Variants in JPT1 observed in about 807,000 individuals in gnomAD.
JPT1 encodes androgen-regulated protein 2.
A neutral mutation model predicts 17.0 loss-of-function variants in JPT1; 5 were observed. The ratio of observed to expected loss-of-function variants is 0.29; its 90% confidence interval spans 0.15 to 0.62. JPT1 has a LOEUF of 0.62. JPT1 is among the 20% of genes least tolerant of loss of function. The pLI, the probability that JPT1 is intolerant of heterozygous loss-of-function variation, is 0.85. For missense variants in JPT1, 158 were observed against 188.1 expected (o/e 0.84, Z 0.94); for synonymous variants, 71 against 73.6 (o/e 0.96, Z 0.18).
chr17:75,146,718 T>G, intron 3 of JPT1, 34 bp from the exon 4 acceptor site: 2 of 1,385,828 alleles, frequency 1.4e-6, no homozygotes, highest in Non-Finnish European at 2.0e-6. Flanking sequence ...ATTTACTTCC[T>G]ATTTTAATTT....
intron 1 of JPT1, among the ~76,000 whole-genome samples, chr17:75,151,337 AAATAAT>A (rs1598209798): frequency 6.6e-6 from 1 of 151,322 alleles, no homozygotes; most frequent in African/African-American, 2.4e-5. Context: ...CTCCGTCTCA[AAATAAT>A]AATGATAATA....
intron 4 of JPT1, 24 bp downstream of exon 4, chr17:75,146,642 A>C (rs1368068946): frequency 6.5e-7 from 1 of 1,529,788 alleles, no homozygotes; most frequent in Admixed American, 2.0e-5. Flanking sequence ...CAGAGCCAGA[A>C]ATTTGGTCTT....
Position 75,148,956 on chromosome 17 carries a change from C to T in JPT1, c.57-285G>A, listed in dbSNP as rs953754533. ...TCATAAATAACAGCCTGGTTGGTGT[C>T]CCCTTTTCAGAAATGGCAAAAGATC... On this transcript the variant is annotated intron_variant, in intron 1 of 4. Transcript: ENST00000409753. 2.5e-6 allele frequency: 3 copies of T among 1,202,566 alleles called. No homozygotes were observed. The African/African-American group carries it at 4.6e-5, about 19-fold the overall frequency. 74.5% of individuals were successfully genotyped at this position (1,202,566 alleles called of 1,614,324 possible).
At chr17:75,151,143 C>G (rs1245508837) in intron 1 of JPT1, among the ~76,000 whole-genome samples, 1 of 151,782 alleles carries the variant, frequency 6.6e-6, no homozygotes. Flanking sequence ...TGAGCCACCG[C>G]GCCCGGCCAA....
chr17:75,138,687 C>T (rs1048942471), intron 4 of JPT1, among the ~76,000 whole-genome samples: 4 of 152,282 alleles, frequency 2.6e-5, no homozygotes, highest in South Asian at 2.1e-4. Flanking sequence ...AGATTACAGG[C>T]GTGAGCCACC....
intron 1 of JPT1, among the ~76,000 whole-genome samples, chr17:75,151,169 G>T (rs2074545980): frequency 6.6e-6 from 1 of 151,864 alleles, no homozygotes. Context: ...ATTTTTCTAA[G>T]AATATTTAGC....
At chr17:75,142,611 GAGA>G in intron 4 of JPT1, 1 of 227,868 alleles carries the variant, frequency 4.4e-6, no homozygotes, top group Non-Finnish European at 8.1e-6. Context: ...GGGGAAGGGG[GAGA>G]GAGGAGGGGA....
At position 75,135,974 on chromosome 17, in the gene JPT1, A is replaced by T; in HGVS notation, c.*128T>A. 1.3e-6 allele frequency: 2 copies of T among 1,567,222 alleles called. No individual in the cohort carries two copies. The highest frequency in any genetic ancestry group is 1.7e-6 in the Non-Finnish European group (2 of 1,158,128). On this transcript the variant is annotated 3_prime_UTR_variant, in exon 5 of 5. Transcript: ENST00000409753. Reference sequence around the variant, plus strand: ...CCTGTTCTTCAAAAGAAAAAAAAAAAAGACAGCAGTACATAAAGTGCTTCT... The same window carrying T: ...CCTGTTCTTCAAAAGAAAAAAAAAATAGACAGCAGTACATAAAGTGCTTCT...
Position 75,135,370 on chromosome 17 carries a change from A to G in JPT1, c.*732T>C, listed in dbSNP as rs1256900999. ...AGCATCATGCACACAGCATCAGGTT[A>G]TTTAAAACAACACGCCTGTGGGACC... On this transcript the variant is annotated 3_prime_UTR_variant, in exon 5 of 5. Transcript: ENST00000409753. 3 of 152,570 alleles carry G rather than the reference A, an allele frequency of 2.0e-5. No individual in the cohort carries two copies. The highest frequency in any genetic ancestry group is 4.4e-5 in the Non-Finnish European group (3 of 68,082). The allele number at this position is 152,570 out of a possible 1,614,324, so 9.5% of individuals were successfully genotyped here.
chr17:75,137,685 CTTTTTTTTTTTTT>C (rs60118585), intron 4 of JPT1, among the ~76,000 whole-genome samples: 5 of 112,846 alleles, frequency 4.4e-5, no homozygotes, highest in South Asian at 2.9e-4. Context: ...CCTAGTTTTC[CTTTTTTTTTTTTT>C]TTTTTTTTTT....
At position 75,148,789 on chromosome 17, in the gene JPT1, CAGAT is replaced by C. The variant is rs528437857; in HGVS notation, c.57-122_57-119del. On this transcript the variant is annotated intron_variant, in intron 1 of 4. Coordinates refer to ENST00000409753, the MANE Select transcript of JPT1 (RefSeq NM_016185.4). ...CCATTCATCTCCCTCACCCCTACAA[CAGAT>C]AGCTGCTAACAGGAAAAAAGAATCA... The C allele has an allele frequency of 7.8e-4, 917 of 1,170,964 alleles. 2 individuals carry two copies. Among genetic ancestry groups the C allele is most frequent in the Non-Finnish European group, 9.6e-4 (803 of 835,358 alleles). 72.5% of individuals were successfully genotyped at this position (1,170,964 alleles called of 1,614,324 possible).
chr17:75,151,819 A>T (rs551591852), intron 1 of JPT1, among the ~76,000 whole-genome samples: 2 of 151,994 alleles, frequency 1.3e-5, no homozygotes, highest in Admixed American at 1.3e-4. Flanking sequence ...AAAATATAAA[A>T]TTAGCCAGGC....
intron 4 of JPT1, among the ~76,000 whole-genome samples, chr17:75,141,638 T>G: frequency 1.4e-5 from 2 of 147,842 alleles, no homozygotes; most frequent in African/African-American, 2.5e-5. Flanking sequence ...GGCGACAGAG[T>G]GAGACTCTCA....
chr17:75,137,056 T>G (rs2074212319), intron 4 of JPT1, among the ~76,000 whole-genome samples: 1 of 152,218 alleles, frequency 6.6e-6, no homozygotes. Context: ...TTCGCCTTGC[T>G]TATTAACTGT....
chr17:75,137,542 T>TA (rs1396415627), intron 4 of JPT1, among the ~76,000 whole-genome samples: 4 of 151,598 alleles, frequency 2.6e-5, no homozygotes, highest in Non-Finnish European at 5.9e-5. Flanking sequence ...TTTTTTTTTT[T>TA]TTATTTTTAA....
intron 4 of JPT1, among the ~76,000 whole-genome samples, chr17:75,142,116 A>C (rs1276916265): frequency 6.6e-6 from 1 of 152,096 alleles, no homozygotes; most frequent in Non-Finnish European, 1.5e-5. Context: ...CAGAATTATT[A>C]ATTATGTGGT....
chr17:75,137,421 A>G (rs1252210637), intron 4 of JPT1, among the ~76,000 whole-genome samples: 1 of 147,646 alleles, frequency 6.8e-6, no homozygotes, highest in African/African-American at 2.7e-5. Context: ...CAGTACCTCA[A>G]TCACAGCCCA....
chr17:75,139,503 C>T (rs779705351), intron 4 of JPT1, among the ~76,000 whole-genome samples: 1 of 152,006 alleles, frequency 6.6e-6, no homozygotes. Context: ...GGAGACTAAA[C>T]AAGCAGCAGT....
chr17:75,140,277 TAAAAA>T (rs551588100), intron 4 of JPT1, among the ~76,000 whole-genome samples: 3 of 146,336 alleles, frequency 2.1e-5, no homozygotes, highest in Non-Finnish European at 4.5e-5. Context: ...GAAGATAATT[TAAAAA>T]AAAAAAGGGC....
Sources: allele counts gnomAD v4.1 joint callset (sites outside exome capture counted in the v4.1 genomes callset), GRCh38; gene constraint gnomAD v4.1.1; transcripts MANE v1.5; gene names NCBI Gene and HGNC (gene_info 2026-07-23, HGNC 2026-07-21).